The following FSTL5 variants were observed in gnomAD, a reference collection of about 807,000 sequenced individuals.
The protein encoded by FSTL5 is follistatin-related protein 5.
Under a neutral mutation model 89.1 loss-of-function variants are expected in FSTL5, and 62 were observed. The observed-to-expected ratio is 0.70, with a 90% confidence interval of 0.57 to 0.86. FSTL5 has a LOEUF of 0.86. Ranked by LOEUF, FSTL5 falls within the 40% of genes least tolerant of loss-of-function variation. The pLI is 0.00. For synonymous variants in FSTL5, 383 were observed against 346.2 expected (o/e 1.11, Z -1.18); for missense variants, 1,057 against 1,001.6 (o/e 1.06, Z -0.75).
intron 4 of FSTL5, among the ~76,000 whole-genome samples, chr4:161,808,495 T>C (rs1730039433): frequency 6.6e-6 from 1 of 151,838 alleles, no homozygotes; most frequent in East Asian, 1.9e-4. Context: ...TAAACAAAAA[T>C]TAACTTAAAA....
At chr4:161,476,173 G>GTTTTTTTTTTT (rs1231231673) in intron 13 of FSTL5, among the ~76,000 whole-genome samples, 26 of 80,480 alleles carry the variant, frequency 3.2e-4, no homozygotes, top group East Asian at 9.4e-4. Flanking sequence ...AAGTTTGCTG[G>GTTTTTTTTTTT]TTTTTTTTTT....
chr4:162,111,911 C>T (rs1561025249), intron 1 of FSTL5, among the ~76,000 whole-genome samples: 1 of 152,032 alleles, frequency 6.6e-6, no homozygotes, highest in Non-Finnish European at 1.5e-5. Flanking sequence ...CTGAGTACAA[C>T]AGAAGTTATG....
chr4:161,591,323 A>C (rs1733813900), intron 7 of FSTL5, among the ~76,000 whole-genome samples: 1 of 152,150 alleles, frequency 6.6e-6, no homozygotes, highest in Non-Finnish European at 1.5e-5. Flanking sequence ...GGGAGTGGGA[A>C]ATAACTGCTA....
intron 4 of FSTL5, among the ~76,000 whole-genome samples, chr4:161,813,842 AAAAG>A (rs1730241067): frequency 6.6e-6 from 1 of 152,190 alleles, no homozygotes; most frequent in African/African-American, 2.4e-5. Flanking sequence ...ACTGGAAATG[AAAAG>A]AAAGATGAAG....
At chr4:162,043,758 T>G (rs1738066157) in intron 2 of FSTL5, among the ~76,000 whole-genome samples, 1 of 152,200 alleles carries the variant, frequency 6.6e-6, no homozygotes, top group Non-Finnish European at 1.5e-5. Context: ...TCTAAACCCT[T>G]TGTTGTCATT....
At chr4:161,896,149 C>T (rs1394982203) in intron 4 of FSTL5, among the ~76,000 whole-genome samples, 1 of 152,176 alleles carries the variant, frequency 6.6e-6, no homozygotes, top group African/African-American at 2.4e-5. Flanking sequence ...TGTTTCTAAA[C>T]TCTCAAAACG....
chr4:161,633,919 G>A (rs972873103), intron 7 of FSTL5, among the ~76,000 whole-genome samples: 1 of 152,132 alleles, frequency 6.6e-6, no homozygotes, highest in Non-Finnish European at 1.5e-5. Flanking sequence ...AAGTAAGTTT[G>A]TTATGTTAAA....
chr4:161,546,391 T>C (rs1004619495), intron 8 of FSTL5, among the ~76,000 whole-genome samples: 6 of 150,864 alleles, frequency 4.0e-5, no homozygotes, highest in African/African-American at 7.3e-5. Context: ...ATTAAATCAG[T>C]GATTCCAAAA....
chr4:162,040,699 C>T (rs962867987), intron 2 of FSTL5, among the ~76,000 whole-genome samples: 1 of 152,026 alleles, frequency 6.6e-6, no homozygotes, highest in African/African-American at 2.4e-5. Flanking sequence ...AAAATCTTAT[C>T]ACCTTTTATT....
chr4:161,750,265 G>A (rs1188910309), intron 6 of FSTL5, among the ~76,000 whole-genome samples: 1 of 152,136 alleles, frequency 6.6e-6, no homozygotes. Flanking sequence ...ACACTCTAAT[G>A]TTACACTGTC....
intron 4 of FSTL5, among the ~76,000 whole-genome samples, chr4:161,874,282 T>G (rs1378306115): frequency 6.6e-6 from 1 of 152,070 alleles, no homozygotes; most frequent in East Asian, 1.9e-4. Flanking sequence ...AGGTTTACTT[T>G]TACTCTTGAG....
intron 8 of FSTL5, among the ~76,000 whole-genome samples, chr4:161,573,882 T>C (rs565405367): frequency 1.3e-5 from 2 of 152,226 alleles, no homozygotes. Flanking sequence ...CTTATTCTCT[T>C]ATATTCTGGA....
At chr4:161,719,716 T>A (rs1204542912) in intron 6 of FSTL5, among the ~76,000 whole-genome samples, 2 of 151,860 alleles carry the variant, frequency 1.3e-5, no homozygotes, top group Non-Finnish European at 2.9e-5. Flanking sequence ...ATTTTTTTTA[T>A]GCCATTGTAA....
At chr4:161,591,528 AAT>A (rs1491349078) in intron 7 of FSTL5, among the ~76,000 whole-genome samples, 14 of 147,058 alleles carry the variant, frequency 9.5e-5, no homozygotes, top group East Asian at 4.0e-4. Context: ...AATCCAAAAA[AAT>A]AAATATGCCA....
intron 4 of FSTL5, among the ~76,000 whole-genome samples, chr4:161,785,863 A>G (rs967811390): frequency 5.3e-4 from 80 of 152,192 alleles, no homozygotes; most frequent in African/African-American, 1.9e-3. Context: ...CTTGTCAATG[A>G]ATGTATCTGT....
chr4:161,721,804 T>C (rs1023376748), intron 6 of FSTL5, among the ~76,000 whole-genome samples: 1 of 152,234 alleles, frequency 6.6e-6, no homozygotes. Flanking sequence ...ACTACTTTAC[T>C]TAATAGAAAT....
intron 4 of FSTL5, among the ~76,000 whole-genome samples, chr4:161,788,692 C>T (rs147312481): frequency 0.01 from 1,563 of 152,192 alleles, 21 homozygotes; most frequent in Middle Eastern, 0.031. Context: ...TCAAGACCAA[C>T]CTGGGCAATA....
At chr4:161,517,366 A>G (rs1463740480) in intron 10 of FSTL5, among the ~76,000 whole-genome samples, 2 of 152,226 alleles carry the variant, frequency 1.3e-5, no homozygotes, top group Non-Finnish European at 2.9e-5. Context: ...TCAAAGTTAT[A>G]AACCACTTAA....
intron 6 of FSTL5, among the ~76,000 whole-genome samples, chr4:161,660,182 G>C (rs941258407): frequency 3.9e-5 from 6 of 151,984 alleles, no homozygotes; most frequent in Admixed American, 3.3e-4. Context: ...TTTTAATTCA[G>C]CTTTTGTTTT....
Sources: gnomAD v4.1 joint callset for allele counts (sites outside exome capture counted in the v4.1 genomes callset) on GRCh38, gnomAD v4.1.1 for gene constraint, MANE v1.5 for transcripts, NCBI Gene and HGNC (gene_info 2026-07-23, HGNC 2026-07-21) for gene names.